SORCS1: variants seen among roughly 807,000 people sequenced by gnomAD.
The protein encoded by SORCS1 is sortilin related VPS10 domain containing receptor 1.
Under a neutral mutation model 146.1 loss-of-function variants are expected in SORCS1, and 60 were observed. That is an observed-to-expected ratio of 0.41 (90% CI 0.33 to 0.51). The LOEUF is 0.51. Among genes scored for constraint, SORCS1 ranks in the 20% least tolerant of loss-of-function variants. SORCS1 has a pLI of 0.21. For missense variants in SORCS1, 1,352 were observed against 1,487.6 expected, an observed-to-expected ratio of 0.91 and a Z score of 1.50; for synonymous variants, 637 against 584.0, an observed-to-expected ratio of 1.09 and a Z score of -1.31.
At chr10:106,811,139 C>T (rs1050417594) in intron 3 of SORCS1, among the ~76,000 whole-genome samples, 4 of 151,974 alleles carry the variant, frequency 2.6e-5, no homozygotes, top group African/African-American at 9.7e-5. Flanking sequence ...GGGGTTTCAC[C>T]ATCTCGGCCA....
At chr10:106,668,213 T>C (rs1215572137) in intron 16 of SORCS1, among the ~76,000 whole-genome samples, 11 of 152,178 alleles carry the variant, frequency 7.2e-5, no homozygotes, top group Non-Finnish European at 1.6e-4. Flanking sequence ...ACAGTCCTCA[T>C]TACTGGTGAT....
intron 3 of SORCS1, among the ~76,000 whole-genome samples, chr10:106,793,858 G>A (rs1430444629): frequency 6.6e-6 from 1 of 152,110 alleles, no homozygotes. Context: ...GATCTAACAG[G>A]AAGACAGAAT....
chr10:106,940,373 T>C (rs909717433), intron 2 of SORCS1, among the ~76,000 whole-genome samples: 5 of 152,182 alleles, frequency 3.3e-5, no homozygotes, highest in African/African-American at 1.2e-4. Context: ...AACATACTAC[T>C]ATGCACCAAG....
intron 3 of SORCS1, among the ~76,000 whole-genome samples, chr10:106,788,243 G>A (rs1946151162): frequency 6.6e-6 from 1 of 152,148 alleles, no homozygotes; most frequent in Admixed American, 6.5e-5. Context: ...AATTCAAGAT[G>A]AGATTTGGGT....
At chr10:106,858,454 C>T (rs191467429) in intron 2 of SORCS1, among the ~76,000 whole-genome samples, 1,563 of 151,964 alleles carry the variant, frequency 0.01, 40 homozygotes, top group African/African-American at 0.036. Flanking sequence ...CCCGTCTCTA[C>T]TAAAAATACA....
chr10:106,719,452 C>T (rs548320638), intron 6 of SORCS1, among the ~76,000 whole-genome samples: 101 of 149,996 alleles, frequency 6.7e-4, no homozygotes, highest in African/African-American at 2.3e-3. Flanking sequence ...CTCGCTCTGT[C>T]GCCAGGCTGG....
intron 1 of SORCS1, among the ~76,000 whole-genome samples, chr10:107,114,395 C>T (rs140709620): frequency 1.2e-4 from 18 of 152,208 alleles, no homozygotes; most frequent in African/African-American, 4.1e-4. Flanking sequence ...ACTAGTGAAA[C>T]AAACTCAGAA....
chr10:106,642,123 T>C (rs1849111585), intron 18 of SORCS1, among the ~76,000 whole-genome samples: 1 of 152,076 alleles, frequency 6.6e-6, no homozygotes, highest in South Asian at 2.1e-4. Context: ...CATGGAGAGG[T>C]TTGTATGCAA....
intron 2 of SORCS1, among the ~76,000 whole-genome samples, chr10:106,954,332 G>C (rs1326270261): frequency 2.0e-5 from 3 of 152,164 alleles, no homozygotes; most frequent in African/African-American, 7.2e-5. Flanking sequence ...AATCTATCAG[G>C]GAAGTATGAA....
At chr10:107,108,954 T>A (rs1258957954) in intron 1 of SORCS1, among the ~76,000 whole-genome samples, 1 of 152,214 alleles carries the variant, frequency 6.6e-6, no homozygotes, top group Non-Finnish European at 1.5e-5. Flanking sequence ...AGTCATTAAA[T>A]CTTAAAGCTC....
chr10:106,746,193 C>G (rs1857731631), intron 5 of SORCS1, among the ~76,000 whole-genome samples: 1 of 149,218 alleles, frequency 6.7e-6, no homozygotes. Context: ...TGGAGAAAAC[C>G]AGACAGTCTC....
At chr10:106,709,398 A>C in intron 6 of SORCS1, 57 bp from the exon 7 acceptor site, 1 of 1,078,636 alleles carries the variant, frequency 9.3e-7, no homozygotes. Flanking sequence ...ACAGACAGAG[A>C]TTTACAGTCA....
chr10:106,709,649 C>T (rs559916124), intron 6 of SORCS1, among the ~76,000 whole-genome samples: 108 of 152,012 alleles, frequency 7.1e-4, no homozygotes, highest in African/African-American at 2.4e-3. Context: ...GGGGTTTCAC[C>T]GTGTTAGCCA....
intron 2 of SORCS1, among the ~76,000 whole-genome samples, chr10:106,934,445 G>A (rs1384833783): frequency 6.6e-6 from 1 of 151,910 alleles, no homozygotes; most frequent in East Asian, 1.9e-4. Context: ...ATTTTTAGTG[G>A]AGATGGGATT....
At chr10:107,070,490 T>G (rs1168655778) in intron 1 of SORCS1, among the ~76,000 whole-genome samples, 1 of 152,204 alleles carries the variant, frequency 6.6e-6, no homozygotes, top group Non-Finnish European at 1.5e-5. Context: ...TTGCAGAATT[T>G]AAAAGCTAAG....
intron 9 of SORCS1, among the ~76,000 whole-genome samples, chr10:106,695,661 C>T (rs1853642126): frequency 6.6e-6 from 1 of 152,136 alleles, no homozygotes; most frequent in Non-Finnish European, 1.5e-5. Context: ...CCATGCCTGG[C>T]ATAAAGTGGC....
intron 2 of SORCS1, among the ~76,000 whole-genome samples, chr10:106,903,005 G>A (rs189425455): frequency 1.2e-3 from 183 of 152,314 alleles, no homozygotes; most frequent in Non-Finnish European, 1.3e-3. Context: ...TTGAACTCAG[G>A]AGGTGGAGGT....
Position 106,577,567 on chromosome 10 carries a change from C to A in SORCS1, c.3372-12G>T. On this transcript the variant is annotated splice_polypyrimidine_tract_variant and intron_variant, in intron 25 of 25. Coordinates refer to ENST00000263054, the MANE Select transcript of SORCS1 (RefSeq NM_052918.5). ...GTAAAGCTACTCTCCTAAGAGAAAA[C>A]GTGTAACACTTACTCATTTAATGAC... 1 of 1,610,258 alleles carries A rather than the reference C, an allele frequency of 6.2e-7. No homozygotes were observed. The highest frequency in any genetic ancestry group is 8.5e-7 in the Non-Finnish European group (1 of 1,177,716).
chr10:106,824,293 C>CAA (rs71025559), intron 3 of SORCS1, among the ~76,000 whole-genome samples: 21 of 104,734 alleles, frequency 2.0e-4, no homozygotes, highest in African/African-American at 4.7e-4. Context: ...GACTCTATCT[C>CAA]AAAAAAAAAA....
Sources: gnomAD v4.1 joint callset for allele counts (sites outside exome capture counted in the v4.1 genomes callset) on GRCh38, gnomAD v4.1.1 for gene constraint, MANE v1.5 for transcripts, NCBI Gene and HGNC (gene_info 2026-07-23, HGNC 2026-07-21) for gene names.